SGCZ: variants seen among roughly 807,000 people sequenced by gnomAD.
The protein encoded by SGCZ is zeta-sarcoglycan.
A neutral mutation model predicts 41.3 loss-of-function variants in SGCZ; 40 were observed. That is an observed-to-expected ratio of 0.97 (90% CI 0.75 to 1.26). The LOEUF is 1.26. Ranked by LOEUF, SGCZ falls within the 50% of genes most tolerant of loss-of-function variation. SGCZ has a pLI of 0.00. For synonymous variants in SGCZ, 206 were observed against 137.5 expected (o/e 1.50, Z -3.49); for missense variants, 552 against 369.8 (o/e 1.49, Z -4.04).
chr8:14,221,087 G>GA lies in SGCZ; in HGVS notation c.424+16504dup, dbSNP rs1006979214. Among the ~76,000 whole-genome samples, 15 of 152,136 alleles carry GA rather than the reference G, an allele frequency of 9.9e-5. No homozygotes were observed. The South Asian group carries it at 1.5e-3, about 15-fold the overall frequency. ...AATACAGAGGCTAGGAGCCTTGACGGAAAAAAATGCCAATAAACGGAAATA... is the reference window on the plus strand; with the variant it reads ...AATACAGAGGCTAGGAGCCTTGACGGAAAAAAAATGCCAATAAACGGAAATA... On this transcript the variant is annotated intron_variant, in intron 4 of 7. Transcript: ENST00000382080.
intron 1 of SGCZ, among the ~76,000 whole-genome samples, chr8:15,212,375 T>C (rs1045706064): frequency 6.6e-6 from 1 of 152,152 alleles, no homozygotes; most frequent in Non-Finnish European, 1.5e-5. Context: ...TTTAATTTTG[T>C]GATCAGCCCA....
intron 1 of SGCZ, among the ~76,000 whole-genome samples, chr8:14,680,963 GGAAAAA>G (rs1172648558): frequency 9.4e-6 from 1 of 106,186 alleles, no homozygotes. Flanking sequence ...AAAAAGAGTG[GGAAAAA>G]AAAAAAAAAA....
At chr8:15,179,847 C>G (rs538448590) in intron 1 of SGCZ, among the ~76,000 whole-genome samples, 1 of 152,158 alleles carries the variant, frequency 6.6e-6, no homozygotes, top group East Asian at 1.9e-4. Flanking sequence ...TTTTCTCAAA[C>G]AGAATAACAA....
At chr8:14,804,329 G>GA (rs1268820693) in intron 1 of SGCZ, among the ~76,000 whole-genome samples, 19 of 109,720 alleles carry the variant, frequency 1.7e-4, no homozygotes, top group Admixed American at 3.1e-4. Flanking sequence ...TGAAAACTTT[G>GA]AAAAAAATTT....
At chr8:14,480,819 A>T (rs916064159) in intron 2 of SGCZ, among the ~76,000 whole-genome samples, 3 of 152,074 alleles carry the variant, frequency 2.0e-5, no homozygotes, top group Non-Finnish European at 4.4e-5. Flanking sequence ...AAGGTCACAT[A>T]TGTCTTTAAT....
At chr8:14,956,523 G>C (rs914887942) in intron 1 of SGCZ, among the ~76,000 whole-genome samples, 8 of 151,862 alleles carry the variant, frequency 5.3e-5, no homozygotes, top group African/African-American at 1.9e-4. Context: ...AAACAGGATA[G>C]TTTTCATATT....
intron 3 of SGCZ, among the ~76,000 whole-genome samples, chr8:14,296,536 A>C (rs1300712943): frequency 1.3e-5 from 2 of 152,200 alleles, no homozygotes; most frequent in African/African-American, 4.8e-5. Flanking sequence ...TTGTGGGTTT[A>C]ATCAACATAA....
At chr8:14,521,620 T>C (rs1187387736) in intron 2 of SGCZ, among the ~76,000 whole-genome samples, 1 of 152,184 alleles carries the variant, frequency 6.6e-6, no homozygotes, top group Non-Finnish European at 1.5e-5. Context: ...AACATTCATG[T>C]ACAGGTTTTT....
chr8:14,395,232 A>G (rs959350283), intron 2 of SGCZ, among the ~76,000 whole-genome samples: 4 of 152,174 alleles, frequency 2.6e-5, no homozygotes, highest in South Asian at 2.1e-4. Flanking sequence ...AAAAATCTCT[A>G]TATTAAACAT....
intron 1 of SGCZ, among the ~76,000 whole-genome samples, chr8:14,800,993 A>T (rs909303927): frequency 6.6e-6 from 1 of 152,212 alleles, no homozygotes; most frequent in African/African-American, 2.4e-5. Flanking sequence ...AAAGGAAACT[A>T]GCTCCGAATA....
intron 2 of SGCZ, among the ~76,000 whole-genome samples, chr8:14,405,344 T>C (rs573494833): frequency 6.8e-6 from 1 of 147,746 alleles, no homozygotes; most frequent in African/African-American, 2.4e-5. Context: ...TTATGTATCT[T>C]CCCCACTATT....
intron 1 of SGCZ, chr8:14,879,324 T>C (rs1804488487): frequency 6.6e-6 from 1 of 152,018 alleles, no homozygotes; most frequent in Non-Finnish European, 1.5e-5. Flanking sequence ...TGAGACTCTA[T>C]GTTAAAAACA....
chr8:14,726,834 T>A (rs533468740), intron 1 of SGCZ, among the ~76,000 whole-genome samples: 1 of 152,052 alleles, frequency 6.6e-6, no homozygotes, highest in East Asian at 1.9e-4. Context: ...CCAAATACTG[T>A]CTGTCACCTG....
chr8:14,632,821 A>G (rs1001677654), intron 1 of SGCZ, among the ~76,000 whole-genome samples: 8 of 152,064 alleles, frequency 5.3e-5, no homozygotes, highest in Admixed American at 3.3e-4. Flanking sequence ...AAGTTAATAC[A>G]GCATTCTGCA....
intron 1 of SGCZ, among the ~76,000 whole-genome samples, chr8:14,843,527 T>G (rs1802997387): frequency 6.6e-6 from 1 of 152,168 alleles, no homozygotes; most frequent in South Asian, 2.1e-4. Context: ...TGATAAACAC[T>G]AAATTAAATA....
chr8:14,638,138 A>C (rs914258866), intron 1 of SGCZ, among the ~76,000 whole-genome samples: 1 of 151,862 alleles, frequency 6.6e-6, no homozygotes, highest in African/African-American at 2.4e-5. Flanking sequence ...CTACTTAACT[A>C]GTCAAGTTGA....
At chr8:14,185,592 A>C (rs891691916) in intron 4 of SGCZ, among the ~76,000 whole-genome samples, 3 of 152,166 alleles carry the variant, frequency 2.0e-5, no homozygotes, top group Non-Finnish European at 2.9e-5. Flanking sequence ...TCTTCCTTAA[A>C]AGCTCCTCTC....
At chr8:14,129,373 A>AAAAAC (rs1802965799) in intron 5 of SGCZ, among the ~76,000 whole-genome samples, 1 of 145,462 alleles carries the variant, frequency 6.9e-6, no homozygotes, top group Non-Finnish European at 1.5e-5. Context: ...AAAAAAAAAA[A>AAAAAC]TCTGCTCTTG....
chr8:14,526,576 AATTATTTACCTTTGAACAAAAAATAC>A (rs1299673367), intron 2 of SGCZ, among the ~76,000 whole-genome samples: 2 of 152,150 alleles, frequency 1.3e-5, no homozygotes, highest in Non-Finnish European at 2.9e-5. Context: ...ATTGATAGGA[AATTATTTACCTTTGAACAAAAAATAC>A]ATATCTATTT....
Sources: allele counts gnomAD v4.1 joint callset (sites outside exome capture counted in the v4.1 genomes callset), GRCh38; gene constraint gnomAD v4.1.1; transcripts MANE v1.5; gene names NCBI Gene and HGNC (gene_info 2026-07-23, HGNC 2026-07-21).